Variants in GPCPD1 observed in about 807,000 individuals in gnomAD.
GPCPD1 encodes glycerophosphocholine phosphodiesterase GPCPD1.
Under a neutral mutation model 89.2 loss-of-function variants are expected in GPCPD1, and 29 were observed. The ratio of observed to expected loss-of-function variants is 0.33; its 90% CI spans 0.24 to 0.44. The LOEUF is 0.44. GPCPD1 is among the 20% of genes least tolerant of loss of function. GPCPD1 has a pLI of 1.00. For missense variants in GPCPD1, 594 were observed against 808.9 expected, an observed-to-expected ratio of 0.73 and a Z score of 3.22; for synonymous variants, 258 against 266.3, an observed-to-expected ratio of 0.97 and a Z score of 0.30.
intron 13 of GPCPD1, among the ~76,000 whole-genome samples, chr20:5,567,100 T>A (rs1442974424): frequency 6.6e-6 from 1 of 152,156 alleles, no homozygotes; most frequent in African/African-American, 2.4e-5. Flanking sequence ...TCAAAGGTAT[T>A]GGAAATTAAC....
intron 11 of GPCPD1, among the ~76,000 whole-genome samples, chr20:5,571,295 A>G (rs1986697756): frequency 6.6e-6 from 1 of 152,194 alleles, no homozygotes; most frequent in Non-Finnish European, 1.5e-5. Flanking sequence ...AAGAGGACAA[A>G]CCCTACCATT....
intron 19 of GPCPD1, among the ~76,000 whole-genome samples, chr20:5,550,732 T>C (rs1202973736): frequency 6.6e-6 from 1 of 152,230 alleles, no homozygotes; most frequent in African/African-American, 2.4e-5. Flanking sequence ...TTTCTGGACA[T>C]ATAAAACCTC....
intron 11 of GPCPD1, among the ~76,000 whole-genome samples, chr20:5,572,017 G>A (rs1986754243): frequency 1.3e-5 from 2 of 152,120 alleles, no homozygotes; most frequent in African/African-American, 4.8e-5. Context: ...CCACAAGTTC[G>A]AAACCAGTCT....
At chr20:5,595,397 CTT>C (rs1275908288) in intron 3 of GPCPD1, among the ~76,000 whole-genome samples, 1 of 152,248 alleles carries the variant, frequency 6.6e-6, no homozygotes, top group East Asian at 1.9e-4. Context: ...AATCCCAACT[CTT>C]TGGGAGGCTG....
chr20:5,577,067 T>G (rs139728503), intron 8 of GPCPD1, among the ~76,000 whole-genome samples: 14,855 of 50,738 alleles, frequency 0.29, 677 homozygotes, highest in Non-Finnish European at 0.33. Context: ...TTTTTTTTGT[T>G]TTTTTTTTTT....
chr20:5,600,847 G>A (rs896745137), intron 2 of GPCPD1, among the ~76,000 whole-genome samples: 6 of 151,028 alleles, frequency 4.0e-5, no homozygotes, highest in Non-Finnish European at 7.4e-5. Context: ...AAAATTAGCC[G>A]GGTATGGTGG....
rs143793053 is a variant in GPCPD1 at position 5,557,624 on chromosome 20, T to C, written c.1829+321A>G. Reference sequence around the variant, plus strand: ...GTAAGTGTGAGAACACAGAAAGTTATGAAAAGCCACAGAATTGGACAAGAG... The same window carrying C: ...GTAAGTGTGAGAACACAGAAAGTTACGAAAAGCCACAGAATTGGACAAGAG... On this transcript the variant is annotated intron_variant, in intron 19 of 19. Transcript: ENST00000379019. 7.6e-3 allele frequency among the ~76,000 whole-genome samples: 1,155 copies of C among 152,200 alleles called. 19 individuals are homozygous for C. Among genetic ancestry groups the C allele is most frequent in the African/African-American group, 0.026 (1,094 of 41,516 alleles).
At chr20:5,571,715 C>T (rs549368981) in intron 11 of GPCPD1, among the ~76,000 whole-genome samples, 3 of 152,120 alleles carry the variant, frequency 2.0e-5, no homozygotes, top group Admixed American at 2.0e-4. Flanking sequence ...TCAAGACCAG[C>T]CTGGCCAACA....
At chr20:5,587,627 A>G (rs574574017) in intron 4 of GPCPD1, among the ~76,000 whole-genome samples, 1 of 152,228 alleles carries the variant, frequency 6.6e-6, no homozygotes, top group South Asian at 2.1e-4. Context: ...CAGCCTCCCA[A>G]TGTGCTGGGA....
At chr20:5,567,366 GT>G in intron 13 of GPCPD1, 116 bp downstream of exon 13, 1 of 1,235,070 alleles carries the variant, frequency 8.1e-7, no homozygotes, top group Non-Finnish European at 1.1e-6. Flanking sequence ...AAAGCACATA[GT>G]CTACACATTA....
At chr20:5,569,190 T>C (rs1986567985) in intron 12 of GPCPD1, among the ~76,000 whole-genome samples, 1 of 150,706 alleles carries the variant, frequency 6.6e-6, no homozygotes, top group Non-Finnish European at 1.5e-5. Context: ...ACATAATATA[T>C]ACATCATAAT....
At chr20:5,571,725 A>G (rs890961802) in intron 11 of GPCPD1, among the ~76,000 whole-genome samples, 2 of 152,194 alleles carry the variant, frequency 1.3e-5, no homozygotes, top group African/African-American at 4.8e-5. Flanking sequence ...CCTGGCCAAC[A>G]TGGCGAAACC....
intron 19 of GPCPD1, among the ~76,000 whole-genome samples, chr20:5,556,955 T>C (rs764150066): frequency 6.6e-6 from 1 of 152,228 alleles, no homozygotes; most frequent in Admixed American, 6.5e-5. Flanking sequence ...ATAAATGATA[T>C]GGAGACAAGT....
At chr20:5,559,781 G>A (rs911486446) in intron 17 of GPCPD1, among the ~76,000 whole-genome samples, 159 bp downstream of exon 17, 5 of 152,078 alleles carry the variant, frequency 3.3e-5, no homozygotes, top group Admixed American at 3.3e-4. Flanking sequence ...AGGCACCCTA[G>A]CAAACAGTCA....
chr20:5,570,807 C>G (rs187096177), intron 11 of GPCPD1, among the ~76,000 whole-genome samples: 1 of 152,044 alleles, frequency 6.6e-6, no homozygotes. Context: ...TGCTCATGTC[C>G]GGTTTCCTAA....
intron 4 of GPCPD1, among the ~76,000 whole-genome samples, chr20:5,591,589 C>T (rs944430054): frequency 5.3e-5 from 8 of 152,162 alleles, no homozygotes; most frequent in Non-Finnish European, 1.2e-4. Context: ...TCTTTATATT[C>T]GTAACATTAT....
chr20:5,608,132 C>T (rs1411637712), intron 1 of GPCPD1, among the ~76,000 whole-genome samples: 1 of 152,160 alleles, frequency 6.6e-6, no homozygotes, highest in Non-Finnish European at 1.5e-5. Context: ...TAGATTTCTA[C>T]TGCATGAAAG....
chr20:5,594,985 A>T (rs530148091), intron 3 of GPCPD1, among the ~76,000 whole-genome samples: 3 of 152,212 alleles, frequency 2.0e-5, no homozygotes, highest in Non-Finnish European at 4.4e-5. Context: ...CTTTCATGAA[A>T]GGAACAGTTA....
At chr20:5,577,169 A>C (rs1978292966) in intron 8 of GPCPD1, among the ~76,000 whole-genome samples, 2 of 149,982 alleles carry the variant, frequency 1.3e-5, no homozygotes, top group East Asian at 3.9e-4. Flanking sequence ...GGTTCAAGCA[A>C]TTCTCCTGCC....
Sources: allele counts gnomAD v4.1 joint callset (sites outside exome capture counted in the v4.1 genomes callset), GRCh38; gene constraint gnomAD v4.1.1; transcripts MANE v1.5; gene names NCBI Gene and HGNC (gene_info 2026-07-23, HGNC 2026-07-21).